DPP10: variants seen among roughly 807,000 people sequenced by gnomAD.
DPP10 encodes dipeptidyl peptidase like 10.
A neutral mutation model predicts 120.9 loss-of-function variants in DPP10; 33 were observed. The ratio of observed to expected loss-of-function variants is 0.27; its 90% CI spans 0.21 to 0.37. The LOEUF is 0.37. DPP10 is among the 10% of genes least tolerant of loss of function. DPP10 has a pLI of 1.00. For synonymous variants in DPP10, 337 were observed against 326.1 expected, an observed-to-expected ratio of 1.03 and a Z score of -0.36; for missense variants, 816 against 942.8, an observed-to-expected ratio of 0.87 and a Z score of 1.76.
intron 1 of DPP10, among the ~76,000 whole-genome samples, chr2:115,245,142 A>C (rs79124487): frequency 6.6e-6 from 1 of 151,688 alleles, no homozygotes; most frequent in African/African-American, 2.4e-5. Context: ...ATGATCTCCA[A>C]CTCCATTTGG....
chr2:115,527,218 C>T (rs2078183784), intron 5 of DPP10, among the ~76,000 whole-genome samples: 1 of 152,006 alleles, frequency 6.6e-6, no homozygotes, highest in Non-Finnish European at 1.5e-5. Flanking sequence ...GAAATAGACC[C>T]TCACAACTAT....
intron 1 of DPP10, among the ~76,000 whole-genome samples, chr2:115,178,110 T>A (rs935255874): frequency 2.6e-5 from 4 of 152,184 alleles, no homozygotes; most frequent in Non-Finnish European, 4.4e-5. Context: ...ATGTTCCTCC[T>A]TTTTTCATGA....
rs1032040088 is a variant in DPP10 at position 115,004,121 on chromosome 2, A to G, written c.61-305118A>G. On this transcript the variant is annotated intron_variant, in intron 1 of 25. Coordinates refer to ENST00000410059, the MANE Select transcript of DPP10 (RefSeq NM_020868.6). ...TGCCTGCCAGAGCTCTCATTCATAT[A>G]TGGGAGCTAAATGAGTGGATCTCAT... is the stretch of plus-strand genomic sequence containing the variant. 3.5e-4 allele frequency among the ~76,000 whole-genome samples: 53 copies of G among 152,138 alleles called. 1 individual carries two copies. Among genetic ancestry groups the G allele is most frequent in the Admixed American group, 3.4e-3 (52 of 15,256 alleles).
At chr2:114,470,872 C>T (rs1281199422) in intron 1 of DPP10, among the ~76,000 whole-genome samples, 1 of 152,228 alleles carries the variant, frequency 6.6e-6, no homozygotes, top group Non-Finnish European at 1.5e-5. Context: ...CACATGCAGA[C>T]ATCATCTCAC....
intron 1 of DPP10, among the ~76,000 whole-genome samples, chr2:114,626,749 G>C (rs936973447): frequency 6.6e-6 from 1 of 151,970 alleles, no homozygotes; most frequent in Non-Finnish European, 1.5e-5. Context: ...TATTTTAATA[G>C]GTATTTATTT....
At chr2:114,561,899 T>G (rs540494329) in intron 1 of DPP10, among the ~76,000 whole-genome samples, 1 of 152,338 alleles carries the variant, frequency 6.6e-6, no homozygotes, top group African/African-American at 2.4e-5. Context: ...TAAACTTATT[T>G]CATCATACGT....
chr2:115,837,714 T>G (rs1041350322), intron 24 of DPP10, among the ~76,000 whole-genome samples: 4 of 151,992 alleles, frequency 2.6e-5, no homozygotes, highest in African/African-American at 7.2e-5. Flanking sequence ...GCACTTTACC[T>G]CCATGGTTTA....
chr2:114,913,976 C>G (rs771110095), intron 1 of DPP10, among the ~76,000 whole-genome samples: 2 of 152,124 alleles, frequency 1.3e-5, no homozygotes, highest in African/African-American at 2.4e-5. Context: ...GAAAGCTTCT[C>G]AGAGCTCAAA....
At chr2:115,719,735 C>T (rs189747486) in intron 7 of DPP10, among the ~76,000 whole-genome samples, 51 of 152,174 alleles carry the variant, frequency 3.4e-4, no homozygotes, top group Middle Eastern at 3.4e-3. Context: ...AGTATAAATG[C>T]TGATATATAT....
At chr2:115,373,709 C>G (rs1445004049) in intron 3 of DPP10, among the ~76,000 whole-genome samples, 1 of 151,882 alleles carries the variant, frequency 6.6e-6, no homozygotes, top group Non-Finnish European at 1.5e-5. Flanking sequence ...TGTATTCATC[C>G]ATTCTCATGT....
chr2:115,125,845 G>A (rs2050053863), intron 1 of DPP10, among the ~76,000 whole-genome samples: 1 of 152,068 alleles, frequency 6.6e-6, no homozygotes, highest in African/African-American at 2.4e-5. Flanking sequence ...GCCTCCCAAA[G>A]TGCTGGGATT....
chr2:114,554,326 G>A (rs2104894174), intron 1 of DPP10, among the ~76,000 whole-genome samples: 1 of 152,340 alleles, frequency 6.6e-6, no homozygotes. Flanking sequence ...GATGGCAAGA[G>A]CTGAGCTCTG....
rs529611035 is a variant in DPP10 at position 115,573,847 on chromosome 2, G to A, written c.441+47875G>A. 2.4e-3 allele frequency among the ~76,000 whole-genome samples: 369 copies of A among 152,086 alleles called. 1 individual carries two copies. The highest frequency in any genetic ancestry group is 6.7e-3 in the Admixed American group (103 of 15,276). On this transcript the variant is annotated intron_variant, in intron 5 of 25. Transcript: ENST00000410059. The stretch of plus-strand genomic sequence containing the variant: ...TGGAATGACAGGTGTGAGTCATCAC[G>A]CCTGGCCAAGTATTTTTAAACTCTT...
At chr2:114,510,262 C>G (rs775874383) in intron 1 of DPP10, among the ~76,000 whole-genome samples, 5 of 152,186 alleles carry the variant, frequency 3.3e-5, no homozygotes, top group African/African-American at 2.4e-5. Flanking sequence ...CAACTTGGGC[C>G]TTCTCATCAG....
chr2:115,788,628 T>G (rs773717276), intron 17 of DPP10, among the ~76,000 whole-genome samples: 2 of 152,188 alleles, frequency 1.3e-5, no homozygotes, highest in African/African-American at 2.4e-5. Context: ...GCCAGTATAT[T>G]AGGCATCTTA....
At chr2:115,358,534 C>G (rs2064557907) in intron 3 of DPP10, among the ~76,000 whole-genome samples, 1 of 152,108 alleles carries the variant, frequency 6.6e-6, no homozygotes, top group Non-Finnish European at 1.5e-5. Context: ...AAGTTCCAAA[C>G]TTTCCCACAT....
rs753814298 is a variant in DPP10, at chr2:115,591,188, T to C, written c.441+65216T>C. 3.9e-5 allele frequency among the ~76,000 whole-genome samples: 6 copies of C among 152,326 alleles called. No homozygotes were observed. The South Asian group carries it at 1.2e-3, about 32-fold the overall frequency. On this transcript the variant is annotated intron_variant, in intron 5 of 25. Transcript: ENST00000410059. ...AGATCCCATTTGTCAATTCTGGCTT[T>C]TGTTGTCATTGCTTTTGGTGTTTTA...
rs373559438 is a variant in DPP10, at chr2:115,686,846, T to C, written c.442-2841T>C. Among the ~76,000 whole-genome samples, 28 of 152,162 alleles carry C rather than the reference T, an allele frequency of 1.8e-4. No individual in the cohort carries two copies. In the South Asian group the frequency reaches 5.8e-3, roughly 32 times the overall value. On this transcript the variant is annotated intron_variant, in intron 5 of 25. Coordinates refer to ENST00000410059, the MANE Select transcript of DPP10 (RefSeq NM_020868.6). ...ACATCATTTGCAGAGATGGGATGAATAGGTAATTTTTGGCTATGAAATTTG... is the reference window on the plus strand; with the variant it reads ...ACATCATTTGCAGAGATGGGATGAACAGGTAATTTTTGGCTATGAAATTTG...
chr2:114,859,203 A>T (rs996608814), intron 1 of DPP10, among the ~76,000 whole-genome samples: 18 of 151,952 alleles, frequency 1.2e-4, no homozygotes, highest in Admixed American at 1.1e-3. Flanking sequence ...AAACAAACAA[A>T]AAAACCCCAC....
Sources: gnomAD v4.1 joint callset for allele counts (sites outside exome capture counted in the v4.1 genomes callset) on GRCh38, gnomAD v4.1.1 for gene constraint, MANE v1.5 for transcripts, NCBI Gene and HGNC (gene_info 2026-07-23, HGNC 2026-07-21) for gene names.